FPGT: variants seen among roughly 807,000 people sequenced by gnomAD.
FPGT encodes the protein fucose-1-phosphate guanylyltransferase.
A neutral mutation model predicts 45.8 loss-of-function variants in FPGT; 41 were observed. The observed-to-expected ratio is 0.90, with a 90% confidence interval of 0.70 to 1.16. The LOEUF is 1.16. Ranked by LOEUF, FPGT falls within the 50% of genes most tolerant of loss-of-function variation. FPGT has a pLI of 0.00. For synonymous variants in FPGT, 292 were observed against 247.2 expected (o/e 1.18, Z -1.70); for missense variants, 755 against 689.1 (o/e 1.10, Z -1.07).
chr1:74,204,186 T>C (rs778509192), intron 3 of FPGT, among the ~76,000 whole-genome samples: 2 of 152,196 alleles, frequency 1.3e-5, no homozygotes, highest in African/African-American at 4.8e-5. Context: ...AATTGTCTTA[T>C]ATCAAATGGC....
At position 74,204,505 on chromosome 1, in the gene FPGT, A is replaced by G. The variant is rs1652090352; in HGVS notation, c.458A>G (p.Asp153Gly). Residue 153 changes from aspartate to glycine, a missense_variant, in exon 4 of 4, where the codon GAT (aspartate) becomes GGT (glycine). Transcript: ENST00000370898. ...GAATTAAAACTAGCCATGTACATTG[A>G]TTTCCCCTTAAATATGAATCCTGGA... ...MLELKLAMYI[D>G]FPLNMNPGIL... The G allele has an allele frequency of 3.1e-6, 5 of 1,610,062 alleles. No individual in the cohort carries two copies. The highest frequency in any genetic ancestry group is 4.3e-6 in the Non-Finnish European group (5 of 1,176,412).
rs1652348660 is a variant in FPGT at position 74,207,177 on chromosome 1, ATTATT to A, written c.*1350_*1354del. On this transcript the variant is annotated 3_prime_UTR_variant, in exon 4 of 4. Transcript: ENST00000370898. ...AGTGCCATCAGTTATAAGAATCACC[ATTATT>A]TTATGTTCCATTAAGAAAAACACAA... The A allele has an allele frequency of 1.3e-5, 2 of 152,098 alleles. No homozygotes were observed. The highest frequency in any genetic ancestry group is 4.8e-5 in the African/African-American group (2 of 41,440). The allele number at this position is 152,098 out of a possible 1,614,324, so 9.4% of individuals were successfully genotyped here.
In FPGT at chr1:74,198,369, G is replaced by A. The variant is rs1214629778; in HGVS notation, c.82+9G>A. ...GTTTTCCGAGCTAAGAGGTACCAGA[G>A]AAGGCACCGGAGTTCTCCTGGGCAA... On this transcript the variant is annotated intron_variant, in intron 1 of 3. Coordinates refer to ENST00000370898, the MANE Select transcript of FPGT (RefSeq NM_003838.5). 2 of 1,614,084 alleles carry A rather than the reference G, an allele frequency of 1.2e-6. No individual in the cohort carries two copies. Among genetic ancestry groups the A allele is most frequent in the Non-Finnish European group, 1.7e-6 (2 of 1,179,998 alleles).
In FPGT at chr1:74,207,556, G is replaced by T. The variant is rs1652381722; in HGVS notation, c.*1724G>T. Among the ~76,000 whole-genome samples, 1 of 151,894 alleles carries T rather than the reference G, an allele frequency of 6.6e-6. No homozygotes were observed. The highest frequency in any genetic ancestry group is 2.1e-4 in the South Asian group (1 of 4,828). On this transcript the variant is annotated 3_prime_UTR_variant, in exon 4 of 4. Transcript: ENST00000370898. ...GCAAGATTTGATACCCTTCTATTTGGCAAAACTCAGTTTCACTTTTCTTTC... is the reference window on the plus strand; with the variant it reads ...GCAAGATTTGATACCCTTCTATTTGTCAAAACTCAGTTTCACTTTTCTTTC...
chr1:74,204,530 A>G lies in FPGT; in HGVS notation c.483A>G (p.Gly161=), dbSNP rs745389270. The G allele has an allele frequency of 1.9e-5, 30 of 1,609,114 alleles. No homozygotes were observed. The highest frequency in any genetic ancestry group is 2.6e-5 in the Non-Finnish European group (30 of 1,175,644). Residue 161 remains glycine, a synonymous_variant, in exon 4 of 4, where the codon GGA becomes GGG. Coordinates refer to ENST00000370898, the MANE Select transcript of FPGT (RefSeq NM_003838.5). The part of the protein sequence containing the change: ...YIDFPLNMNP[G]ILVTCADDIE... ...ATTTCCCCTTAAATATGAATCCTGG[A>G]ATTCTGGTTACCTGTGCAGATGATA...
chr1:74,198,306 G>T lies in FPGT; in HGVS notation c.28G>T (p.Val10Leu). The T allele has an allele frequency of 6.2e-7, 1 of 1,614,178 alleles. No individual in the cohort carries two copies. The highest frequency in any genetic ancestry group is 8.5e-7 in the Non-Finnish European group (1 of 1,180,032). The change falls in exon 1 of 4, where the codon GTA (valine) becomes TTA (leucine). Residue 10 changes from valine (V) to leucine (L), a missense_variant. Val to Leu is a conservative substitution (Grantham distance 32). Transcript: ENST00000370898. MAAARDPPEVSLREATQRKL... is the reference protein window; with the variant it reads MAAARDPPELSLREATQRKL... ...GGCAGCTGCTAGGGACCCTCCGGAA[G>T]TATCGCTGCGAGAAGCCACCCAGCG... is the stretch of plus-strand genomic sequence containing the variant.
rs1284120836 is a variant in FPGT, at chr1:74,206,848, A to G, written c.*1016A>G. On this transcript the variant is annotated 3_prime_UTR_variant, in exon 4 of 4. Coordinates refer to ENST00000370898, the MANE Select transcript of FPGT (RefSeq NM_003838.5). Reference sequence around the variant, plus strand: ...TGTGTTTCTATATTGGTATAAGCATATAAGTGAAAAGTCTTATAAGTGTAA... The same window carrying G: ...TGTGTTTCTATATTGGTATAAGCATGTAAGTGAAAAGTCTTATAAGTGTAA... 2.0e-5 allele frequency: 3 copies of G among 152,116 alleles called. No homozygotes were observed. Among genetic ancestry groups the G allele is most frequent in the Non-Finnish European group, 2.9e-5 (2 of 67,972 alleles). 9.4% of individuals were successfully genotyped at this position (152,116 alleles called of 1,614,324 possible).
Position 74,206,295 on chromosome 1 carries a change from C to T in FPGT, c.*463C>T, listed in dbSNP as rs916235682. 6.6e-6 allele frequency: 1 copy of T among 152,144 alleles called. No individual in the cohort carries two copies. Among genetic ancestry groups the T allele is most frequent in the African/African-American group, 2.4e-5 (1 of 41,372 alleles). 9.4% of individuals were successfully genotyped at this position (152,144 alleles called of 1,614,324 possible). Reference sequence around the variant, plus strand: ...TACTGTAGAAATACTTTTTCAGAAACGAATCCATAGCTGACAAATTCACTC... The same window carrying T: ...TACTGTAGAAATACTTTTTCAGAAATGAATCCATAGCTGACAAATTCACTC... On this transcript the variant is annotated 3_prime_UTR_variant, in exon 4 of 4. Coordinates refer to ENST00000370898, the MANE Select transcript of FPGT (RefSeq NM_003838.5).
At chr1:74,202,099 A>G (rs1651852184) in intron 3 of FPGT, among the ~76,000 whole-genome samples, 2 of 152,238 alleles carry the variant, frequency 1.3e-5, no homozygotes, top group Non-Finnish European at 2.9e-5. Flanking sequence ...CACACAAAAT[A>G]AGACATTTTA....
rs1001293181 is a variant in FPGT, at chr1:74,206,948, T to C, written c.*1116T>C. 6.6e-6 allele frequency: 1 copy of C among 152,052 alleles called. No homozygotes were observed. The highest frequency in any genetic ancestry group is 1.5e-5 in the Non-Finnish European group (1 of 67,950). The allele number at this position is 152,052 out of a possible 1,614,324, so 9.4% of individuals were successfully genotyped here. A position where few individuals can be genotyped will look rare whatever the true frequency, so the allele number is the denominator to read the frequency against. On this transcript the variant is annotated 3_prime_UTR_variant, in exon 4 of 4. Coordinates refer to ENST00000370898, the MANE Select transcript of FPGT (RefSeq NM_003838.5). ...TGCTACTTTATGTCAATATAAAAAT[T>C]GGTAAACTAGAAGTAACTTGTCCAC...
intron 3 of FPGT, among the ~76,000 whole-genome samples, chr1:74,203,832 A>G (rs1287569838): frequency 1.3e-5 from 2 of 151,860 alleles, no homozygotes; most frequent in South Asian, 2.1e-4. Context: ...ACCTGAGGTC[A>G]GGAGTTTGAG....
Position 74,199,746 on chromosome 1 carries a change from A to G in FPGT, c.165A>G (p.Gln55=). ...ADEKQELAYN[Q]QLSEKLKRKE... Reference sequence around the variant, plus strand: ...AAAAACAGGAACTTGCTTACAACCAACAGCTGTCAGAAAAGCTGAAAAGAA... The same window carrying G: ...AAAAACAGGAACTTGCTTACAACCAGCAGCTGTCAGAAAAGCTGAAAAGAA... The change falls in exon 2 of 4, where the codon CAA becomes CAG. Residue 55 remains glutamine, a synonymous_variant. Coordinates refer to ENST00000370898, the MANE Select transcript of FPGT (RefSeq NM_003838.5). 1 of 1,614,130 alleles carries G rather than the reference A, an allele frequency of 6.2e-7. No individual in the cohort carries two copies. The highest frequency in any genetic ancestry group is 1.3e-5 in the African/African-American group (1 of 75,022).
rs34167755 is a variant in FPGT, at chr1:74,207,685, TA to T, written c.*1855del. ...CATATTAACATGTCAATATGAAAAT[TA>T]ATTGTTTGGTAAACCAGAAGTGACC... On this transcript the variant is annotated 3_prime_UTR_variant, in exon 4 of 4. Transcript: ENST00000370898. Among the ~76,000 whole-genome samples the T allele has an allele frequency of 0.85, 128,535 of 151,968 alleles. 55,351 individuals are homozygous for T. Among genetic ancestry groups the T allele is most frequent in the East Asian group, 0.97 (4,994 of 5,162 alleles).
intron 3 of FPGT, among the ~76,000 whole-genome samples, 190 bp downstream of exon 3, chr1:74,201,600 A>G (rs1651807298): frequency 6.6e-6 from 1 of 152,178 alleles, no homozygotes; most frequent in African/African-American, 2.4e-5. Context: ...AGTGATTTTC[A>G]CAAATTTTAC....
Position 74,199,734 on chromosome 1 carries a change from T to TGCTTA in FPGT, c.154_158dup (p.Tyr53Ter). Reference sequence around the variant, plus strand: ...CAGCGGCTGATGAAAAACAGGAACTTGCTTACAACCAACAGCTGTCAGAAA... The same window carrying TGCTTA: ...CAGCGGCTGATGAAAAACAGGAACTTGCTTAGCTTACAACCAACAGCTGTCAGAAA... On this transcript the variant is annotated frameshift_variant, in exon 2 of 4. Coordinates refer to ENST00000370898, the MANE Select transcript of FPGT (RefSeq NM_003838.5). LOFTEE classifies it high-confidence loss of function. The TGCTTA allele has an allele frequency of 6.2e-7, 1 of 1,614,166 alleles. No homozygotes were observed. Among genetic ancestry groups the TGCTTA allele is most frequent in the Non-Finnish European group, 8.5e-7 (1 of 1,180,016 alleles).
At position 74,204,619 on chromosome 1, in the gene FPGT, T is replaced by C; in HGVS notation, c.572T>C (p.Leu191Ser). The C allele has an allele frequency of 6.2e-7, 1 of 1,614,002 alleles. No individual in the cohort carries two copies. Among genetic ancestry groups the C allele is most frequent in the Non-Finnish European group, 8.5e-7 (1 of 1,179,872 alleles). ...TTTGACAAACCTGGCTTTACTGCTT[T>C]AGCTCATCCTTCTAGTTTGACGATA... ...IRFDKPGFTALAHPSSLTIGT... is the reference protein window; with the variant it reads ...IRFDKPGFTASAHPSSLTIGT... The change falls in exon 4 of 4, where the codon TTA becomes TCA. Residue 191 changes from leucine to serine, a missense_variant. Leu to Ser is a moderately radical substitution (Grantham distance 145, BLOSUM62 -2). Coordinates refer to ENST00000370898, the MANE Select transcript of FPGT (RefSeq NM_003838.5).
In FPGT at chr1:74,207,331, A is replaced by C. The variant is rs985897742; in HGVS notation, c.*1499A>C. On this transcript the variant is annotated 3_prime_UTR_variant, in exon 4 of 4. Coordinates refer to ENST00000370898, the MANE Select transcript of FPGT (RefSeq NM_003838.5). ...GCATATACATATAAAATAACAAAAAAATAAAATATTGAGATATCATCAAGA... is the reference window on the plus strand; with the variant it reads ...GCATATACATATAAAATAACAAAAACATAAAATATTGAGATATCATCAAGA... 1 of 152,128 alleles carries C rather than the reference A, an allele frequency of 6.6e-6. No individual in the cohort carries two copies. The highest frequency in any genetic ancestry group is 1.5e-5 in the Non-Finnish European group (1 of 67,990). 9.4% of individuals were successfully genotyped at this position (152,128 alleles called of 1,614,324 possible). A position where few individuals can be genotyped will look rare whatever the true frequency, so the allele number is the denominator to read the frequency against.
At chr1:74,199,585 T>C in intron 1 of FPGT, 79 bp from the exon 2 acceptor site, 1 of 1,482,304 alleles carries the variant, frequency 6.7e-7, no homozygotes, top group South Asian at 1.3e-5. Flanking sequence ...TTCTTTATCA[T>C]CTTTCTCAAT....
chr1:74,204,534 C>G lies in FPGT; in HGVS notation c.487C>G (p.Leu163Val), dbSNP rs756626497. Residue 163 changes from leucine to valine, a missense_variant, in exon 4 of 4, where the codon CTG becomes GTG. By Grantham distance (32) the Leu-to-Val change is conservative. Coordinates refer to ENST00000370898, the MANE Select transcript of FPGT (RefSeq NM_003838.5). ...CCCCTTAAATATGAATCCTGGAATT[C>G]TGGTTACCTGTGCAGATGATATTGA... ...DFPLNMNPGI[L>V]VTCADDIELY... 4.4e-6 allele frequency: 7 copies of G among 1,608,526 alleles called. No homozygotes were observed. In the Admixed American group the frequency reaches 5.0e-5, roughly 11 times the overall value.
Sources: gnomAD v4.1 joint callset for allele counts (sites outside exome capture counted in the v4.1 genomes callset) on GRCh38, gnomAD v4.1.1 for gene constraint, MANE v1.5 for transcripts, NCBI Gene and HGNC (gene_info 2026-07-23, HGNC 2026-07-21) for gene names.